FRAS1: variants seen among roughly 807,000 people sequenced by gnomAD.
FRAS1 encodes Fraser extracellular matrix complex subunit 1.
FRAS1 carries 290 observed loss-of-function variants against 435.2 expected under a neutral mutation model. The ratio of observed to expected loss-of-function variants is 0.67; its 90% CI spans 0.61 to 0.73. The LOEUF is 0.73. Among genes scored for constraint, FRAS1 ranks in the 30% least tolerant of loss-of-function variants. The probability of loss-of-function intolerance (pLI) is 0.00; values close to 1 mark genes in which losing one functional copy is unlikely to be tolerated. For synonymous variants in FRAS1, 1,800 were observed against 1,851.0 expected (o/e 0.97, Z 0.71); for missense variants, 4,860 against 5,001.5 (o/e 0.97, Z 0.85).
chr4:78,404,049 CTACT>C (rs756493607), intron 30 of FRAS1, among the ~76,000 whole-genome samples: 47 of 152,112 alleles, frequency 3.1e-4, no homozygotes, highest in Admixed American at 1.3e-4. Context: ...GTATCTGTAG[CTACT>C]TACTTAGATT....
chr4:78,087,516 G>C lies in FRAS1; in HGVS notation c.108+21500G>C, dbSNP rs888147153. Among the ~76,000 whole-genome samples, 8 of 152,160 alleles carry C rather than the reference G, an allele frequency of 5.3e-5. 1 individual carries two copies. Among genetic ancestry groups the C allele is most frequent in the African/African-American group, 1.9e-4 (8 of 41,548 alleles). ...GTTTGCAGATGACATGATTGTATCT[G>C]TAGAAAACCCCATGGTCTCAGCCCA... is the stretch of plus-strand genomic sequence containing the variant. On this transcript the variant is annotated intron_variant, in intron 2 of 73. Transcript: ENST00000512123.
At chr4:78,454,526 C>T (rs1719128940) in intron 47 of FRAS1, among the ~76,000 whole-genome samples, 1 of 152,188 alleles carries the variant, frequency 6.6e-6, no homozygotes, top group African/African-American at 2.4e-5. Flanking sequence ...GATAAGTTTG[C>T]AGAGCAGCAC....
chr4:78,152,607 C>CTTTTTT (rs71214398), intron 2 of FRAS1, among the ~76,000 whole-genome samples: 38 of 72,426 alleles, frequency 5.2e-4, no homozygotes, highest in South Asian at 7.7e-4. Flanking sequence ...ATGTAGGCTG[C>CTTTTTT]TTTTTTTTTT....
chr4:78,508,693 TA>T (rs1169612711), intron 62 of FRAS1, 37 bp from the exon 63 acceptor site: 2 of 1,611,674 alleles, frequency 1.2e-6, no homozygotes, highest in Non-Finnish European at 1.7e-6. Flanking sequence ...ACCTTGCCAA[TA>T]CCCAACCTGA....
intron 73 of FRAS1, among the ~76,000 whole-genome samples, chr4:78,540,049 ATGTT>A (rs1426215217): frequency 6.6e-6 from 1 of 152,230 alleles, no homozygotes; most frequent in African/African-American, 2.4e-5. Context: ...TGTTTAGAAA[ATGTT>A]TGTCACGTAT....
intron 14 of FRAS1, among the ~76,000 whole-genome samples, chr4:78,302,981 A>G (rs1191641212): frequency 6.6e-6 from 1 of 152,072 alleles, no homozygotes; most frequent in Non-Finnish European, 1.5e-5. Flanking sequence ...TAGGGTTTTT[A>G]TGGTTTTAGG....
chr4:78,290,744 C>T (rs1409676633), intron 14 of FRAS1, among the ~76,000 whole-genome samples: 2 of 150,222 alleles, frequency 1.3e-5, no homozygotes, highest in Admixed American at 6.6e-5. Context: ...GCCACCACAC[C>T]TGGCCTCATT....
chr4:78,380,877 G>C (rs926960922), intron 27 of FRAS1, among the ~76,000 whole-genome samples: 1 of 152,156 alleles, frequency 6.6e-6, no homozygotes, highest in Admixed American at 6.5e-5. Flanking sequence ...GTAATTCAGA[G>C]GTGATGATGC....
At chr4:78,466,103 A>C in intron 49 of FRAS1, 105 bp from the exon 50 acceptor site, 2 of 799,322 alleles carry the variant, frequency 2.5e-6, no homozygotes, top group Non-Finnish European at 4.2e-6. Flanking sequence ...TTACTTTATC[A>C]ATGTCTTTGG....
chr4:78,267,713 G>A (rs76515550), intron 9 of FRAS1, among the ~76,000 whole-genome samples: 194 of 152,348 alleles, frequency 1.3e-3, no homozygotes, highest in African/African-American at 4.5e-3. Flanking sequence ...CATGATATGG[G>A]ACATTAGCCT....
At chr4:78,329,278 T>C (rs1307154647) in intron 18 of FRAS1, among the ~76,000 whole-genome samples, 5 of 152,230 alleles carry the variant, frequency 3.3e-5, no homozygotes, top group Non-Finnish European at 7.3e-5. Context: ...AAAAGTGTAA[T>C]GTTGGTTCGA....
chr4:78,339,835 A>G (rs1243553872), intron 20 of FRAS1, among the ~76,000 whole-genome samples: 1 of 152,234 alleles, frequency 6.6e-6, no homozygotes, highest in East Asian at 1.9e-4. Context: ...CTGTAGCTTG[A>G]CTAAGGGTGT....
Position 78,542,614 on chromosome 4 carries a change from A to T in FRAS1, c.*1490A>T, listed in dbSNP as rs574214660. ...CAAACTAGTAACATTTCGCTACTAA[A>T]AGCTAGAAAGGATGAACTGTGAAAG... On this transcript the variant is annotated 3_prime_UTR_variant, in exon 74 of 74. Transcript: ENST00000512123. The T allele has an allele frequency of 6.5e-6, 1 of 152,782 alleles. No individual in the cohort carries two copies. Among genetic ancestry groups the T allele is most frequent in the Non-Finnish European group, 1.5e-5 (1 of 68,028 alleles). 9.5% of individuals were successfully genotyped at this position (152,782 alleles called of 1,614,324 possible).
intron 9 of FRAS1, 58 bp downstream of exon 9, chr4:78,267,490 A>G: frequency 6.6e-7 from 1 of 1,515,308 alleles, no homozygotes; most frequent in African/African-American, 1.4e-5. Flanking sequence ...CGGGATAGTG[A>G]GGGGTCCTGC....
At chr4:78,260,345 T>A (rs1446037688) in intron 6 of FRAS1, among the ~76,000 whole-genome samples, 1 of 152,146 alleles carries the variant, frequency 6.6e-6, no homozygotes, top group Admixed American at 6.5e-5. Flanking sequence ...GCATGGAATG[T>A]TCTTCCATTT....
chr4:78,207,669 C>T (rs1193310641), intron 2 of FRAS1, among the ~76,000 whole-genome samples: 2 of 152,076 alleles, frequency 1.3e-5, no homozygotes, highest in Admixed American at 6.5e-5. Context: ...AAGTGATTAG[C>T]AAAGTTACAG....
intron 47 of FRAS1, among the ~76,000 whole-genome samples, chr4:78,457,648 A>G (rs781142610): frequency 4.6e-5 from 7 of 152,248 alleles, no homozygotes; most frequent in Non-Finnish European, 8.8e-5. Context: ...TACCCACGAA[A>G]GTGAGTGCCC....
chr4:78,530,134 C>T (rs959962293), intron 70 of FRAS1, among the ~76,000 whole-genome samples: 1 of 151,608 alleles, frequency 6.6e-6, no homozygotes, highest in South Asian at 2.1e-4. Flanking sequence ...GGCTTTCTCT[C>T]TATTACAAAG....
intron 2 of FRAS1, among the ~76,000 whole-genome samples, chr4:78,164,227 C>T (rs1721251870): frequency 6.6e-6 from 1 of 152,116 alleles, no homozygotes; most frequent in Non-Finnish European, 1.5e-5. Context: ...GTGGGATGCT[C>T]AGGAGTTTCC....
Sources: allele counts gnomAD v4.1 joint callset (sites outside exome capture counted in the v4.1 genomes callset), GRCh38; gene constraint gnomAD v4.1.1; transcripts MANE v1.5; gene names NCBI Gene and HGNC (gene_info 2026-07-23, HGNC 2026-07-21).